Variants in SGSM2 observed in about 807,000 individuals in gnomAD.
The protein encoded by SGSM2 is small G protein signaling modulator 2.
SGSM2 carries 89 observed loss-of-function variants against 126.6 expected under a neutral mutation model. That is an observed-to-expected ratio of 0.70 (90% CI 0.59 to 0.84). The LOEUF is 0.84. Ranked by LOEUF, SGSM2 falls within the 40% of genes least tolerant of loss-of-function variation. SGSM2 has a pLI of 0.00. For missense variants in SGSM2, 1,404 were observed against 1,416.6 expected, an observed-to-expected ratio of 0.99 and a Z score of 0.14; for synonymous variants, 614 against 574.3, an observed-to-expected ratio of 1.07 and a Z score of -0.99.
Position 2,364,453 on chromosome 17 carries a change from G to A in SGSM2, c.933-143G>A. The A allele has an allele frequency of 1.6e-5, 15 of 922,868 alleles. 1 individual carries two copies. In the South Asian group the frequency reaches 2.1e-4, roughly 13 times the overall value. The allele number at this position is 922,868 out of a possible 1,614,324, so 57.2% of individuals were successfully genotyped here. A position where few individuals can be genotyped will look rare whatever the true frequency, so the allele number is the denominator to read the frequency against. On this transcript the variant is annotated intron_variant, in intron 8 of 23. Coordinates refer to ENST00000268989, the MANE Select transcript of SGSM2 (RefSeq NM_014853.3). ...CGAGCGGGCAGCACAGATCTCAGGG[G>A]TCATGGCTGGCTGTGTGCACCTCTT...
chr17:2,363,313 C>A lies in SGSM2; in HGVS notation c.673-152C>A. ...CAAATGCCGGGAGCCCATGCTGGTCCGTGGCTGGAGAGCAGAGGGTGGCTG... is the reference window on the plus strand; with the variant it reads ...CAAATGCCGGGAGCCCATGCTGGTCAGTGGCTGGAGAGCAGAGGGTGGCTG... On this transcript the variant is annotated intron_variant, in intron 6 of 23. Transcript: ENST00000268989. The surrounding 1 kb of genome is among the most constrained non-coding windows in gnomAD (Gnocchi z 4.2). The A allele has an allele frequency of 7.2e-7, 1 of 1,383,582 alleles. No individual in the cohort carries two copies. Among genetic ancestry groups the A allele is most frequent in the Non-Finnish European group, 9.7e-7 (1 of 1,026,156 alleles). The allele number at this position is 1,383,582 out of a possible 1,614,324, so 85.7% of individuals were successfully genotyped here.
chr17:2,348,183 A>G (rs1173487779), intron 2 of SGSM2, among the ~76,000 whole-genome samples: 1 of 152,214 alleles, frequency 6.6e-6, no homozygotes, highest in Non-Finnish European at 1.5e-5. Flanking sequence ...GATGCTAATA[A>G]GCTGGGAGAG....
intron 12 of SGSM2, among the ~76,000 whole-genome samples, chr17:2,369,924 T>C (rs1339376360): frequency 6.6e-6 from 1 of 152,074 alleles, no homozygotes; most frequent in Admixed American, 6.5e-5. Context: ...CGTGTTCCCT[T>C]AATTTGCCTC....
At chr17:2,358,911 G>C (rs957395310) in intron 2 of SGSM2, among the ~76,000 whole-genome samples, 3 of 135,430 alleles carry the variant, frequency 2.2e-5, no homozygotes, top group African/African-American at 8.8e-5. Flanking sequence ...AAGTCTCGCT[G>C]TGTTCCCCCA....
chr17:2,347,298 G>T (rs2064638659), intron 2 of SGSM2, among the ~76,000 whole-genome samples: 1 of 151,932 alleles, frequency 6.6e-6, no homozygotes, highest in Non-Finnish European at 1.5e-5. Flanking sequence ...TAGAGACAGG[G>T]GTTTCACCAT....
In SGSM2 at chr17:2,375,713, G is replaced by A. The variant is rs746560688; in HGVS notation, c.2322G>A (p.Val774=). Residue 774 remains valine (V), a synonymous_variant, in exon 18 of 24, where the codon GTG becomes GTA. Transcript: ENST00000268989. ...CAAGCCTAGATGAGGGGCAGAGCGTGGGCTTCGAAGAGGAGGACGGCGGTG... is the reference window on the plus strand; with the variant it reads ...CAAGCCTAGATGAGGGGCAGAGCGTAGGCTTCGAAGAGGAGGACGGCGGTG... ...IQSSLDEGQS[V]GFEEEDGGGE... The A allele has an allele frequency of 1.2e-6, 2 of 1,611,584 alleles. No homozygotes were observed. The highest frequency in any genetic ancestry group is 2.2e-5 in the East Asian group (1 of 44,796).
rs150423810 is a variant in SGSM2 at position 2,376,752 on chromosome 17, G to C, written c.2629G>C (p.Asp877His). ...VMCSYVWEHL[D>H]VGYVQGMCDL... ...TTTCAGCTACGTGTGGGAGCACCTG[G>C]ACGTGGGCTATGTGCAGGGCATGTG... The change falls in exon 20 of 24, where the codon GAC (aspartate) becomes CAC (histidine). Residue 877 changes from aspartate (D) to histidine (H), a missense_variant. Asp to His is a moderately conservative substitution (Grantham distance 81). Coordinates refer to ENST00000268989, the MANE Select transcript of SGSM2 (RefSeq NM_014853.3). 29 of 1,613,922 alleles carry C rather than the reference G, an allele frequency of 1.8e-5. No individual in the cohort carries two copies. The highest frequency in any genetic ancestry group is 8.0e-5 in the African/African-American group (6 of 74,936).
At chr17:2,361,826 C>A (rs754706960) in intron 3 of SGSM2, 27 bp downstream of exon 3, 1 of 1,568,550 alleles carries the variant, frequency 6.4e-7, no homozygotes, top group East Asian at 2.3e-5. Flanking sequence ...CCCCTTCTTC[C>A]CTCCTTTCAG....
chr17:2,337,884 G>A lies in SGSM2; in HGVS notation c.57+139G>A. On this transcript the variant is annotated intron_variant, in intron 1 of 23. Coordinates refer to ENST00000268989, the MANE Select transcript of SGSM2 (RefSeq NM_014853.3). This position sits in a 1 kb window ranked among gnomAD's most constrained non-coding sequence, Gnocchi z 5.1. Reference sequence around the variant, plus strand: ...GCGGGGCGGGTCCTGGACGGGCTGCGCCTCCTTCCCCTTTCTCGGATGGGG... The same window carrying A: ...GCGGGGCGGGTCCTGGACGGGCTGCACCTCCTTCCCCTTTCTCGGATGGGG... The A allele has an allele frequency of 2.2e-6, 1 of 449,184 alleles. No individual in the cohort carries two copies. The highest frequency in any genetic ancestry group is 3.6e-6 in the Non-Finnish European group (1 of 275,562). 27.8% of individuals were successfully genotyped at this position (449,184 alleles called of 1,614,324 possible). A position where few individuals can be genotyped will look rare whatever the true frequency, so the allele number is the denominator to read the frequency against.
At chr17:2,375,945 G>T in intron 18 of SGSM2, 70 bp downstream of exon 18, 1 of 1,512,736 alleles carries the variant, frequency 6.6e-7, no homozygotes, top group Admixed American at 2.2e-5. Context: ...AGCTGGGGAA[G>T]CGCTGGTGGG....
intron 1 of SGSM2, among the ~76,000 whole-genome samples, chr17:2,342,625 G>C (rs1246756833): frequency 2.6e-5 from 4 of 152,154 alleles, no homozygotes; most frequent in Non-Finnish European, 4.4e-5. Flanking sequence ...GTGTAATTGT[G>C]ATATGTTCTT....
chr17:2,378,316 C>T (rs2066272476), intron 22 of SGSM2, among the ~76,000 whole-genome samples: 1 of 152,084 alleles, frequency 6.6e-6, no homozygotes, highest in Non-Finnish European at 1.5e-5. Flanking sequence ...TGGCTCATGC[C>T]TGTAATCCCA....
chr17:2,348,975 G>A (rs2064725775), intron 2 of SGSM2, among the ~76,000 whole-genome samples: 1 of 151,774 alleles, frequency 6.6e-6, no homozygotes, highest in Non-Finnish European at 1.5e-5. Flanking sequence ...TGTTGCCCAG[G>A]CTGGTCTCAA....
Position 2,380,185 on chromosome 17 carries a change from C to A in SGSM2, c.*665C>A. On this transcript the variant is annotated 3_prime_UTR_variant, in exon 24 of 24. Transcript: ENST00000268989. ...TTGGCCACCTGAGGTGACCCCCAGG[C>A]CTCCCCGGCCTTGTACAGTGTACCT... 2 of 1,510,678 alleles carry A rather than the reference C, an allele frequency of 1.3e-6. No individual in the cohort carries two copies. Among genetic ancestry groups the A allele is most frequent in the Non-Finnish European group, 8.8e-7 (1 of 1,131,432 alleles). The allele number at this position is 1,510,678 out of a possible 1,614,324, so 93.6% of individuals were successfully genotyped here. A position where few individuals can be genotyped will look rare whatever the true frequency, so the allele number is the denominator to read the frequency against.
rs534918587 is a variant in SGSM2, at chr17:2,372,105, C to T, written c.1578-85C>T. The T allele has an allele frequency of 9.0e-5, 137 of 1,526,158 alleles. 2 individuals carry two copies. In the East Asian group the frequency reaches 3.0e-3, roughly 33 times the overall value. 94.5% of individuals were successfully genotyped at this position (1,526,158 alleles called of 1,614,324 possible). ...ACCCTCCCCAGTGCCTTACCTGCCC[C>T]CCAGGACAGAGCCTCCTCCCTTCTC... is the stretch of plus-strand genomic sequence containing the variant. On this transcript the variant is annotated intron_variant, in intron 13 of 23. Coordinates refer to ENST00000268989, the MANE Select transcript of SGSM2 (RefSeq NM_014853.3). This position sits in a 1 kb window ranked among gnomAD's most constrained non-coding sequence, Gnocchi z 6.0.
chr17:2,375,627 G>A lies in SGSM2; in HGVS notation c.2236G>A (p.Asp746Asn), dbSNP rs1045523528. The change falls in exon 18 of 24, where the codon GAC (aspartate) becomes AAC (asparagine). Residue 746 changes from aspartate (D) to asparagine (N), a missense_variant. Transcript: ENST00000268989. ...GGAGCAGCAGCATTCCGTGGAGTTC[G>A]ACTCTCCAGACTCAGGACTGCCCTC... ...VVEQQHSVEF[D>N]SPDSGLPSSR... 3 of 1,613,818 alleles carry A rather than the reference G, an allele frequency of 1.9e-6. No individual in the cohort carries two copies. Among genetic ancestry groups the A allele is most frequent in the Non-Finnish European group, 2.5e-6 (3 of 1,180,020 alleles).
In SGSM2 at chr17:2,362,453, CCCCG is replaced by C; in HGVS notation, c.458+184_458+187del. On this transcript the variant is annotated intron_variant, in intron 4 of 23. Transcript: ENST00000268989. The surrounding 1 kb of genome is among the most constrained non-coding windows in gnomAD (Gnocchi z 4.9). ...CGTTCCCAAAAACTGCAGGTGACCG[CCCCG>C]TTCCCCAAAAACTGCAGGTGACCGC... Among the ~76,000 whole-genome samples the C allele has an allele frequency of 1.3e-5, 2 of 149,484 alleles. No individual in the cohort carries two copies. Among genetic ancestry groups the C allele is most frequent in the Non-Finnish European group, 1.5e-5 (1 of 67,336 alleles).
chr17:2,372,602 C>A lies in SGSM2; in HGVS notation c.1788+114C>A. ...GGTTGACAGGCCAGGGCCGATGCCA[C>A]GGAGTGACCAGGGTCCCGGCAGAAT... is the stretch of plus-strand genomic sequence containing the variant. On this transcript the variant is annotated intron_variant, in intron 15 of 23. Transcript: ENST00000268989. This position sits in a 1 kb window ranked among gnomAD's most constrained non-coding sequence, Gnocchi z 6.0. 7.2e-7 allele frequency: 1 copy of A among 1,397,974 alleles called. No homozygotes were observed. The highest frequency in any genetic ancestry group is 9.8e-7 in the Non-Finnish European group (1 of 1,024,102). 86.6% of individuals were successfully genotyped at this position (1,397,974 alleles called of 1,614,324 possible).
In SGSM2 at chr17:2,372,217, T is replaced by A; in HGVS notation, c.1605T>A (p.Ser535Arg). Reference protein sequence around the residue: ...DRLPLRLLCESMKRQIVSRAF... With the variant: ...DRLPLRLLCERMKRQIVSRAF... ...TGCCGCTCAGGCTACTGTGTGAGAG[T>A]ATGAAGAGGCAGATCGTGTCCCGGG... is the stretch of plus-strand genomic sequence containing the variant. The change falls in exon 14 of 24, where the codon AGT becomes AGA. Residue 535 changes from serine (S) to arginine (R), a missense_variant. Transcript: ENST00000268989. This position sits in a 1 kb window ranked among gnomAD's most constrained non-coding sequence, Gnocchi z 6.0. 1.9e-6 allele frequency: 3 copies of A among 1,613,150 alleles called. No homozygotes were observed. Among genetic ancestry groups the A allele is most frequent in the East Asian group, 2.2e-5 (1 of 44,850 alleles).
Sources: gnomAD v4.1 joint callset for allele counts (sites outside exome capture counted in the v4.1 genomes callset) on GRCh38, gnomAD v4.1.1 for gene constraint, Gnocchi (gnomAD v3.1) non-coding constraint, MANE v1.5 for transcripts, NCBI Gene and HGNC (gene_info 2026-07-23, HGNC 2026-07-21) for gene names.